Variants in PLCB1 observed in about 807,000 individuals in gnomAD.
PLCB1 encodes the protein phospholipase C beta 1.
Under a neutral mutation model 161.8 loss-of-function variants are expected in PLCB1, and 46 were observed. The ratio of observed to expected loss-of-function variants is 0.28; its 90% confidence interval spans 0.22 to 0.36. The LOEUF is 0.36. PLCB1 is among the 10% of genes least tolerant of loss of function. PLCB1 has a pLI of 1.00. For synonymous variants in PLCB1, 517 were observed against 503.7 expected, an observed-to-expected ratio of 1.03 and a Z score of -0.35; for missense variants, 1,016 against 1,472.5, an observed-to-expected ratio of 0.69 and a Z score of 5.07.
intron 3 of PLCB1, among the ~76,000 whole-genome samples, chr20:8,541,914 C>T (rs1016067901): frequency 1.3e-5 from 2 of 152,136 alleles, no homozygotes; most frequent in South Asian, 2.1e-4. Flanking sequence ...TAAAGAGGAA[C>T]AAGGTGGTTT....
intron 2 of PLCB1, among the ~76,000 whole-genome samples, chr20:8,321,245 C>A (rs1984907241): frequency 6.6e-6 from 1 of 152,124 alleles, no homozygotes; most frequent in Non-Finnish European, 1.5e-5. Flanking sequence ...TATACATGTT[C>A]CCTTTTTATA....
chr20:8,521,429 T>C (rs746287936), intron 3 of PLCB1, among the ~76,000 whole-genome samples: 2 of 152,082 alleles, frequency 1.3e-5, no homozygotes, highest in African/African-American at 4.8e-5. Flanking sequence ...ATAGGCCCTG[T>C]AGGGTGGCTC....
intron 2 of PLCB1, among the ~76,000 whole-genome samples, chr20:8,189,802 G>A (rs578111039): frequency 6.6e-6 from 1 of 151,942 alleles, no homozygotes; most frequent in Admixed American, 6.6e-5. Context: ...TTTAAGAACT[G>A]ACAACTTTCC....
intron 26 of PLCB1, among the ~76,000 whole-genome samples, chr20:8,767,855 G>T (rs932535337): frequency 6.6e-6 from 1 of 152,188 alleles, no homozygotes; most frequent in Non-Finnish European, 1.5e-5. Context: ...CAATAAAAAT[G>T]TATTTTCTCA....
chr20:8,498,991 A>G (rs974109747), intron 3 of PLCB1, among the ~76,000 whole-genome samples: 1 of 152,204 alleles, frequency 6.6e-6, no homozygotes, highest in Non-Finnish European at 1.5e-5. Flanking sequence ...CTGTATAAAA[A>G]TTGACCAAAT....
At chr20:8,477,493 T>A (rs534554800) in intron 3 of PLCB1, among the ~76,000 whole-genome samples, 2 of 152,132 alleles carry the variant, frequency 1.3e-5, no homozygotes, top group African/African-American at 4.8e-5. Context: ...ATGTAACTAG[T>A]GTGTATTAGC....
chr20:8,369,878 T>G (rs1467614456), intron 2 of PLCB1, among the ~76,000 whole-genome samples: 4 of 152,186 alleles, frequency 2.6e-5, no homozygotes, highest in African/African-American at 4.8e-5. Context: ...GGAGTGAGAC[T>G]TCACCTTTAA....
intron 2 of PLCB1, among the ~76,000 whole-genome samples, chr20:8,268,544 T>C (rs1381187842): frequency 1.3e-5 from 2 of 152,248 alleles, no homozygotes; most frequent in Admixed American, 6.5e-5. Flanking sequence ...ATCACCACAC[T>C]GTCTTCCACA....
Position 8,543,657 on chromosome 20 carries a change from G to T in PLCB1, c.247-84637G>T, listed in dbSNP as rs993944005. 7.1e-5 allele frequency among the ~76,000 whole-genome samples: 10 copies of T among 140,686 alleles called. No homozygotes were observed. In the South Asian group the frequency reaches 1.7e-3, roughly 24 times the overall value. The allele number at this position is 140,686 out of a possible 152,430, so 92.3% of individuals were successfully genotyped here. A position where few individuals can be genotyped will look rare whatever the true frequency, so the allele number is the denominator to read the frequency against. Reference sequence around the variant, plus strand: ...AAAACCTGTTGGACACATCTGATACGGTTTGGCTGTGCCGTCACCCAAATC... The same window carrying T: ...AAAACCTGTTGGACACATCTGATACTGTTTGGCTGTGCCGTCACCCAAATC... On this transcript the variant is annotated intron_variant, in intron 3 of 31. Transcript: ENST00000338037.
chr20:8,321,692 G>A (rs1057469182), intron 2 of PLCB1, among the ~76,000 whole-genome samples: 2 of 152,078 alleles, frequency 1.3e-5, no homozygotes, highest in African/African-American at 2.4e-5. Flanking sequence ...ACAGTGCAAG[G>A]TCTAAAACTT....
chr20:8,202,338 A>T (rs6055640), intron 2 of PLCB1, among the ~76,000 whole-genome samples: 3,876 of 152,270 alleles, frequency 0.025, 186 homozygotes, highest in African/African-American at 0.088. Context: ...CGCCTCCCAA[A>T]GTGCTGGATT....
At chr20:8,681,789 T>A (rs1990228374) in intron 9 of PLCB1, among the ~76,000 whole-genome samples, 1 of 152,230 alleles carries the variant, frequency 6.6e-6, no homozygotes, top group East Asian at 1.9e-4. Flanking sequence ...ACAAATTTCA[T>A]ATCATTTGAC....
chr20:8,497,880 G>T (rs1207286158), intron 3 of PLCB1, among the ~76,000 whole-genome samples: 1 of 152,102 alleles, frequency 6.6e-6, no homozygotes, highest in Non-Finnish European at 1.5e-5. Context: ...ATTAATTAGG[G>T]AGTGTTCATT....
At chr20:8,601,086 A>C (rs1600183877) in intron 3 of PLCB1, among the ~76,000 whole-genome samples, 1 of 152,194 alleles carries the variant, frequency 6.6e-6, no homozygotes, top group Admixed American at 6.5e-5. Flanking sequence ...TGGGAGCTGT[A>C]GACCGGAGCT....
At chr20:8,245,287 C>T (rs1267489519) in intron 2 of PLCB1, among the ~76,000 whole-genome samples, 1 of 151,840 alleles carries the variant, frequency 6.6e-6, no homozygotes, top group Non-Finnish European at 1.5e-5. Context: ...ATACTTATCA[C>T]ATAAATATGT....
At chr20:8,314,412 A>T (rs79651321) in intron 2 of PLCB1, among the ~76,000 whole-genome samples, 2,036 of 152,324 alleles carry the variant, frequency 0.013, 37 homozygotes, top group African/African-American at 0.047. Context: ...ATATGTAAGA[A>T]GCCATATATT....
intron 2 of PLCB1, among the ~76,000 whole-genome samples, chr20:8,163,972 A>G (rs1197708103): frequency 6.6e-6 from 1 of 152,210 alleles, no homozygotes; most frequent in East Asian, 1.9e-4. Context: ...CTAGATTTTT[A>G]CAGTGGAAAA....
chr20:8,562,874 T>C (rs889264965), intron 3 of PLCB1, among the ~76,000 whole-genome samples: 1 of 152,042 alleles, frequency 6.6e-6, no homozygotes, highest in Non-Finnish European at 1.5e-5. Context: ...CTAGAAAAGA[T>C]TCTAAATCAG....
intron 27 of PLCB1, among the ~76,000 whole-genome samples, chr20:8,783,094 A>G (rs1335489276): frequency 4.6e-5 from 7 of 151,822 alleles, no homozygotes; most frequent in Admixed American, 6.6e-5. Flanking sequence ...GGTTTGGAAC[A>G]TTGAGCTGGG....
Sources: gnomAD v4.1 joint callset for allele counts (sites outside exome capture counted in the v4.1 genomes callset) on GRCh38, gnomAD v4.1.1 for gene constraint, MANE v1.5 for transcripts, NCBI Gene and HGNC (gene_info 2026-07-23, HGNC 2026-07-21) for gene names.